Variants in ARHGAP28 observed in about 807,000 individuals in gnomAD.
ARHGAP28 encodes the protein Rho GTPase activating protein 28.
ARHGAP28 carries 56 observed loss-of-function variants against 90.7 expected under a neutral mutation model. That is an observed-to-expected ratio of 0.62 (90% CI 0.50 to 0.77). The LOEUF is 0.77. Among genes scored for constraint, ARHGAP28 ranks in the 30% least tolerant of loss-of-function variants. ARHGAP28 has a pLI of 0.00. For missense variants in ARHGAP28, 869 were observed against 900.9 expected (o/e 0.96, Z 0.45); for synonymous variants, 308 against 323.3 (o/e 0.95, Z 0.51).
intron 1 of ARHGAP28, among the ~76,000 whole-genome samples, chr18:6,818,293 C>T (rs1265557297): frequency 3.3e-5 from 5 of 152,162 alleles, no homozygotes; most frequent in Admixed American, 1.3e-4. Flanking sequence ...AAAATATTTA[C>T]AGCTATAAGC....
intron 1 of ARHGAP28, among the ~76,000 whole-genome samples, 165 bp from the exon 2 acceptor site, chr18:6,824,597 C>CA (rs2056648605): frequency 6.6e-6 from 1 of 151,910 alleles, no homozygotes; most frequent in Non-Finnish European, 1.5e-5. Context: ...TTAAAAGGGC[C>CA]ACCACTGAGT....
chr18:6,864,526 TAC>T (rs2057023387), intron 5 of ARHGAP28, among the ~76,000 whole-genome samples: 1 of 152,224 alleles, frequency 6.6e-6, no homozygotes, highest in South Asian at 2.1e-4. Context: ...TATACATGCA[TAC>T]ACATACACAA....
intron 1 of ARHGAP28, among the ~76,000 whole-genome samples, chr18:6,803,253 C>T (rs1005872910): frequency 6.6e-6 from 1 of 151,972 alleles, no homozygotes; most frequent in Non-Finnish European, 1.5e-5. Flanking sequence ...GAGGTAGTAC[C>T]CTTCTATTCC....
chr18:6,810,091 A>T (rs1187809847), intron 1 of ARHGAP28, among the ~76,000 whole-genome samples: 1 of 152,054 alleles, frequency 6.6e-6, no homozygotes, highest in Non-Finnish European at 1.5e-5. Flanking sequence ...ATTTCAGCTG[A>T]TTGTTGAGAA....
chr18:6,884,060 A>C (rs960799073), intron 11 of ARHGAP28, among the ~76,000 whole-genome samples: 36 of 152,268 alleles, frequency 2.4e-4, no homozygotes, highest in African/African-American at 8.2e-4. Flanking sequence ...CATTGAGCAC[A>C]GGTACAATAG....
intron 2 of ARHGAP28, among the ~76,000 whole-genome samples, chr18:6,827,836 C>G (rs1021357224): frequency 4.6e-5 from 7 of 151,634 alleles, no homozygotes; most frequent in South Asian, 2.1e-4. Context: ...GGGTCGCGGC[C>G]GGACAGAGGC....
At chr18:6,855,620 C>A (rs995104551) in intron 4 of ARHGAP28, among the ~76,000 whole-genome samples, 2 of 152,324 alleles carry the variant, frequency 1.3e-5, no homozygotes, top group East Asian at 3.9e-4. Flanking sequence ...GTAACATAAA[C>A]AGGGCTGAAA....
At chr18:6,858,608 A>C (rs7233874) in intron 4 of ARHGAP28, among the ~76,000 whole-genome samples, 1 of 151,532 alleles carries the variant, frequency 6.6e-6, no homozygotes, top group Non-Finnish European at 1.5e-5. Flanking sequence ...CAATGGCACA[A>C]TCTTGGCTCA....
chr18:6,764,618 C>A (rs1019545551), intron 1 of ARHGAP28, among the ~76,000 whole-genome samples: 11 of 152,182 alleles, frequency 7.2e-5, no homozygotes, highest in African/African-American at 2.7e-4. Context: ...GCAGTCAGTT[C>A]TCTGACTGAT....
At chr18:6,828,794 A>G (rs576101506) in intron 2 of ARHGAP28, among the ~76,000 whole-genome samples, 9 of 152,184 alleles carry the variant, frequency 5.9e-5, no homozygotes, top group African/African-American at 1.9e-4. Context: ...CTCATAGTGG[A>G]TTAAAAGCAT....
At chr18:6,826,847 T>G (rs2056668295) in intron 2 of ARHGAP28, among the ~76,000 whole-genome samples, 1 of 152,134 alleles carries the variant, frequency 6.6e-6, no homozygotes, top group Non-Finnish European at 1.5e-5. Context: ...TTCCGCAGTG[T>G]TTGTGTCCCT....
At position 6,837,412 on chromosome 18, in the gene ARHGAP28, C is replaced by T. The variant is rs1369271964; in HGVS notation, c.541C>T (p.Pro181Ser). Residue 181 changes from proline (P) to serine (S), a missense_variant and splice_region_variant, in exon 3 of 18, where the codon CCT becomes TCT. By Grantham distance (74) the Pro-to-Ser change is moderately conservative. Coordinates refer to ENST00000383472, the MANE Select transcript of ARHGAP28 (RefSeq NM_001366230.1). ...VRDIFGVSES[P>S]PRDTCGNHTN... The stretch of plus-strand genomic sequence containing the variant: ...AGACATTTTTGGAGTCAGTGAATCT[C>T]CTGTAAGTAATGGCTCAAACATGGC... 3 of 1,612,168 alleles carry T rather than the reference C, an allele frequency of 1.9e-6. No individual in the cohort carries two copies. The highest frequency in any genetic ancestry group is 2.5e-6 in the Non-Finnish European group (3 of 1,178,576).
At chr18:6,769,627 A>G (rs1318776048) in intron 1 of ARHGAP28, among the ~76,000 whole-genome samples, 1 of 152,190 alleles carries the variant, frequency 6.6e-6, no homozygotes, top group Non-Finnish European at 1.5e-5. Flanking sequence ...TTTGCTCAAG[A>G]TCATGCACCT....
At chr18:6,769,073 T>G (rs1218325152) in intron 1 of ARHGAP28, among the ~76,000 whole-genome samples, 1 of 152,100 alleles carries the variant, frequency 6.6e-6, no homozygotes, top group African/African-American at 2.4e-5. Context: ...GACATTAAGG[T>G]AGCCTTTCAG....
chr18:6,816,457 G>A (rs1383171861), intron 1 of ARHGAP28, among the ~76,000 whole-genome samples: 2 of 152,194 alleles, frequency 1.3e-5, no homozygotes, highest in African/African-American at 2.4e-5. Flanking sequence ...GGTTTCTTTT[G>A]AAAGAGTCCT....
intron 3 of ARHGAP28, among the ~76,000 whole-genome samples, chr18:6,843,975 C>T (rs1166207006): frequency 2.0e-5 from 3 of 152,136 alleles, no homozygotes; most frequent in African/African-American, 4.8e-5. Context: ...GCATGGTTTA[C>T]AGTCCTGTTC....
chr18:6,907,153 A>G (rs1190367209), intron 16 of ARHGAP28, among the ~76,000 whole-genome samples: 4 of 152,232 alleles, frequency 2.6e-5, no homozygotes, highest in Non-Finnish European at 5.9e-5. Context: ...AATAGTGACA[A>G]CACCAAATAC....
intron 9 of ARHGAP28, among the ~76,000 whole-genome samples, chr18:6,875,389 C>T (rs1425522804): frequency 6.6e-6 from 1 of 152,154 alleles, no homozygotes; most frequent in Non-Finnish European, 1.5e-5. Context: ...GTACCATCCA[C>T]CATCATTTCT....
At chr18:6,756,857 A>C (rs968069153) in intron 1 of ARHGAP28, among the ~76,000 whole-genome samples, 9 of 152,282 alleles carry the variant, frequency 5.9e-5, no homozygotes, top group African/African-American at 2.2e-4. Flanking sequence ...AGAAAGATGA[A>C]GACCACAAGA....
Sources: allele counts gnomAD v4.1 joint callset (sites outside exome capture counted in the v4.1 genomes callset), GRCh38; gene constraint gnomAD v4.1.1; transcripts MANE v1.5; gene names NCBI Gene and HGNC (gene_info 2026-07-23, HGNC 2026-07-21).